CUX1: variants seen among roughly 807,000 people sequenced by gnomAD.
CUX1 encodes the protein protein CASP.
A neutral mutation model predicts 158.8 loss-of-function variants in CUX1; 31 were observed. The observed-to-expected ratio is 0.20, with a 90% CI of 0.15 to 0.26. The LOEUF (loss-of-function observed/expected upper bound fraction) is 0.26, where lower values mean the gene tolerates loss of function less well. CUX1 is among the 10% of genes least tolerant of loss of function. CUX1 has a pLI of 1.00. For missense variants in CUX1, 1,589 were observed against 2,014.6 expected (o/e 0.79, Z 4.04); for synonymous variants, 879 against 862.1 (o/e 1.02, Z -0.34).
intron 20 of CUX1, chr7:102,281,718 G>A: frequency 1.4e-6 from 1 of 695,060 alleles, no homozygotes; most frequent in Non-Finnish European, 2.6e-6. Flanking sequence ...TGGAATAGGG[G>A]CCCCAGCTTC....
chr7:102,251,321 G>A lies in CUX1; in HGVS notation c.*2279G>A. The A allele has an allele frequency of 2.0e-6, 2 of 985,192 alleles. No individual in the cohort carries two copies. Among genetic ancestry groups the A allele is most frequent in the Non-Finnish European group, 2.4e-6 (2 of 829,900 alleles). The allele number at this position is 985,192 out of a possible 1,614,324, so 61.0% of individuals were successfully genotyped here. On this transcript the variant is annotated 3_prime_UTR_variant, in exon 24 of 24. Transcript: ENST00000292535. ...CCTCCGTGTGCTTGTTAATTAACTT[G>A]TAGGACTTTGACTGTAAGATGTGAA...
At chr7:101,871,433 T>C (rs1205798750) in intron 1 of CUX1, among the ~76,000 whole-genome samples, 1 of 147,462 alleles carries the variant, frequency 6.8e-6, no homozygotes, top group Non-Finnish European at 1.5e-5. Context: ...GGTAGAAGAG[T>C]GAGCAGAATG....
intron 8 of CUX1, among the ~76,000 whole-genome samples, chr7:102,121,035 C>G (rs1167286648): frequency 1.3e-5 from 2 of 152,100 alleles, no homozygotes; most frequent in African/African-American, 4.8e-5. Context: ...TGTACTCCAG[C>G]CTGAGTGACA....
intron 8 of CUX1, among the ~76,000 whole-genome samples, chr7:102,117,222 A>T (rs1831519606): frequency 6.6e-6 from 1 of 151,808 alleles, no homozygotes; most frequent in South Asian, 2.1e-4. Context: ...ACATGGCAAA[A>T]CCCCATCTCT....
intron 8 of CUX1, among the ~76,000 whole-genome samples, chr7:102,129,394 A>G (rs890484507): frequency 1.7e-4 from 6 of 36,012 alleles, no homozygotes; most frequent in African/African-American, 7.8e-4. Context: ...TAAAAAATCA[A>G]ACACCAGGGC....
intron 6 of CUX1, among the ~76,000 whole-genome samples, chr7:102,110,398 A>G (rs1445980490): frequency 6.6e-6 from 1 of 152,212 alleles, no homozygotes; most frequent in Non-Finnish European, 1.5e-5. Flanking sequence ...AATGTTACAT[A>G]TTAATTCATA....
At chr7:102,196,577 T>G (rs1231904451) in intron 14 of CUX1, 57 bp from the exon 15 acceptor site, 11 of 1,375,712 alleles carry the variant, frequency 8.0e-6, no homozygotes, top group Admixed American at 2.6e-5. Context: ...TTGGTCTTGG[T>G]TTTTTTTTCC....
intron 3 of CUX1, among the ~76,000 whole-genome samples, chr7:102,068,532 C>T (rs1405244806): frequency 6.6e-6 from 1 of 152,142 alleles, no homozygotes; most frequent in African/African-American, 2.4e-5. Flanking sequence ...GAAATGCTTG[C>T]ATTGCGCTAG....
intron 7 of CUX1, among the ~76,000 whole-genome samples, chr7:102,113,065 G>T (rs1241677921): frequency 6.6e-6 from 1 of 152,090 alleles, no homozygotes; most frequent in Admixed American, 6.6e-5. Flanking sequence ...CATTAAAGGA[G>T]AGAAACAGTG....
At chr7:102,205,696 A>G (rs1554520904) in intron 20 of CUX1, among the ~76,000 whole-genome samples, 1 of 152,166 alleles carries the variant, frequency 6.6e-6, no homozygotes, top group Non-Finnish European at 1.5e-5. Flanking sequence ...CTGGGGACTG[A>G]GATCTGAGCC....
At chr7:101,989,601 G>C (rs931347117) in intron 2 of CUX1, among the ~76,000 whole-genome samples, 1 of 152,212 alleles carries the variant, frequency 6.6e-6, no homozygotes, top group Non-Finnish European at 1.5e-5. Flanking sequence ...TGGAGGTGGA[G>C]AGCTCAGCCC....
chr7:101,844,515 T>G (rs1394435491), intron 1 of CUX1, among the ~76,000 whole-genome samples: 1 of 152,216 alleles, frequency 6.6e-6, no homozygotes, highest in East Asian at 1.9e-4. Context: ...TTGAGAAATA[T>G]GAGGACAGTG....
Position 102,256,454 on chromosome 7 carries a change from T to TCCTCTCCTCCCCTACTCCCCCAGAGAA in CUX1, c.*7415_*7441dup. 1 of 985,402 alleles carries TCCTCTCCTCCCCTACTCCCCCAGAGAA rather than the reference T, an allele frequency of 1.0e-6. No homozygotes were observed. Among genetic ancestry groups the TCCTCTCCTCCCCTACTCCCCCAGAGAA allele is most frequent in the Non-Finnish European group, 1.2e-6 (1 of 829,928 alleles). 61.0% of individuals were successfully genotyped at this position (985,402 alleles called of 1,614,324 possible). A position where few individuals can be genotyped will look rare whatever the true frequency, so the allele number is the denominator to read the frequency against. ...CTCTAGTGGTTACTATCCTCTGCCT[T>TCCTCTCCTCCCCTACTCCCCCAGAGAA]CCTCTCCTCCCCTACTCCCCCAGAG... On this transcript the variant is annotated 3_prime_UTR_variant, in exon 24 of 24. Transcript: ENST00000292535.
intron 14 of CUX1, among the ~76,000 whole-genome samples, chr7:102,267,041 G>C (rs1394837304): frequency 6.6e-6 from 1 of 152,142 alleles, no homozygotes; most frequent in South Asian, 2.1e-4. Context: ...ATTGCATAGG[G>C]GTGGGGGCCA....
chr7:101,983,429 C>T (rs1813737860), intron 2 of CUX1, among the ~76,000 whole-genome samples: 1 of 152,324 alleles, frequency 6.6e-6, no homozygotes, highest in Non-Finnish European at 1.5e-5. Flanking sequence ...TTTTTTTCCT[C>T]TGTGCCCACC....
chr7:102,055,713 G>T (rs1357448137), intron 3 of CUX1, among the ~76,000 whole-genome samples: 1 of 152,156 alleles, frequency 6.6e-6, no homozygotes, highest in Non-Finnish European at 1.5e-5. Context: ...CCTATTAAGT[G>T]AAAGGAACAG....
rs546411782 is a variant in CUX1, at chr7:102,024,397, G to A, written c.142-3701G>A. 2.0e-5 allele frequency among the ~76,000 whole-genome samples: 3 copies of A among 152,284 alleles called. No individual in the cohort carries two copies. The South Asian group carries it at 6.2e-4, about 32-fold the overall frequency. ...GCTAGAGGGCATTGGTGCAGTCTCAGCTCACTGCAGCCTCTGCCTCCGCGG... is the reference window on the plus strand; with the variant it reads ...GCTAGAGGGCATTGGTGCAGTCTCAACTCACTGCAGCCTCTGCCTCCGCGG... On this transcript the variant is annotated intron_variant, in intron 2 of 23. Transcript: ENST00000292535.
chr7:102,028,088 C>T lies in CUX1; in HGVS notation c.142-10C>T. On this transcript the variant is annotated splice_polypyrimidine_tract_variant and intron_variant, in intron 2 of 23. Transcript: ENST00000292535. ...AATGGCTGCTTCCTGACCTCCGCCTCCTGCTCCAGGATTTGCGCAAGCAGG... is the reference window on the plus strand; with the variant it reads ...AATGGCTGCTTCCTGACCTCCGCCTTCTGCTCCAGGATTTGCGCAAGCAGG... The T allele has an allele frequency of 6.2e-7, 1 of 1,612,276 alleles. No individual in the cohort carries two copies. Among genetic ancestry groups the T allele is most frequent in the Middle Eastern group, 2.2e-4 (1 of 4,500 alleles).
At position 101,869,250 on chromosome 7, in the gene CUX1, G is replaced by A. The variant is rs1020534094; in HGVS notation, c.31-46865G>A. On this transcript the variant is annotated intron_variant, in intron 1 of 23. Transcript: ENST00000292535. The surrounding 1 kb of genome is among the most constrained non-coding windows in gnomAD (Gnocchi z 4.5). ...GGGCTGTGTCAGAGCCCCGGCTGGC[G>A]AGAGGAGCATCACTGTGTCCAGAGG... 2.0e-5 allele frequency among the ~76,000 whole-genome samples: 3 copies of A among 152,160 alleles called. No homozygotes were observed. The highest frequency in any genetic ancestry group is 7.2e-5 in the African/African-American group (3 of 41,430).
Sources: gnomAD v4.1 joint callset for allele counts (sites outside exome capture counted in the v4.1 genomes callset) on GRCh38, gnomAD v4.1.1 for gene constraint, Gnocchi (gnomAD v3.1) non-coding constraint, MANE v1.5 for transcripts, NCBI Gene and HGNC (gene_info 2026-07-23, HGNC 2026-07-21) for gene names.